NRXN1: variants seen among roughly 807,000 people sequenced by gnomAD.
The protein encoded by NRXN1 is neurexin 1, also known as neurexin-1.
In NRXN1, 39 loss-of-function variants were observed where a neutral mutation model predicts 150.9. That is an observed-to-expected ratio of 0.26 (90% CI 0.20 to 0.34). The LOEUF (loss-of-function observed/expected upper bound fraction) is 0.34, where lower values mean the gene tolerates loss of function less well. Ranked by LOEUF, NRXN1 falls within the 10% of genes least tolerant of loss-of-function variation. NRXN1 has a pLI of 1.00. For synonymous variants in NRXN1, 924 were observed against 757.0 expected (o/e 1.22, Z -3.62); for missense variants, 1,815 against 1,949.9 (o/e 0.93, Z 1.30).
At chr2:50,699,081 C>G (rs962393580) in intron 5 of NRXN1, among the ~76,000 whole-genome samples, 1 of 152,158 alleles carries the variant, frequency 6.6e-6, no homozygotes, top group African/African-American at 2.4e-5. Context: ...GTCAGACAGT[C>G]ATGGTGCAGC....
intron 5 of NRXN1, among the ~76,000 whole-genome samples, chr2:50,700,599 T>A (rs1693597001): frequency 6.6e-6 from 1 of 152,224 alleles, no homozygotes; most frequent in African/African-American, 2.4e-5. Context: ...TTGGAATCTT[T>A]CTATAGCATA....
At chr2:50,601,774 T>C (rs1171383089) in intron 8 of NRXN1, among the ~76,000 whole-genome samples, 1 of 152,182 alleles carries the variant, frequency 6.6e-6, no homozygotes, top group Non-Finnish European at 1.5e-5. Flanking sequence ...ATACACATCA[T>C]ACACTGGAGT....
chr2:50,828,448 C>T (rs1201827387), intron 5 of NRXN1, among the ~76,000 whole-genome samples: 1 of 150,434 alleles, frequency 6.6e-6, no homozygotes, highest in Non-Finnish European at 1.5e-5. Flanking sequence ...GGCTGCCGGG[C>T]GGAGGGGCTC....
intron 17 of NRXN1, among the ~76,000 whole-genome samples, chr2:50,311,761 CTGTT>C (rs2075202301): frequency 6.6e-6 from 1 of 152,152 alleles, no homozygotes; most frequent in African/African-American, 2.4e-5. Flanking sequence ...GGTAGGGAGA[CTGTT>C]TGCAGGGATA....
intron 21 of NRXN1, among the ~76,000 whole-genome samples, chr2:50,047,671 T>C (rs969305449): frequency 6.6e-6 from 1 of 151,622 alleles, no homozygotes; most frequent in Admixed American, 6.6e-5. Flanking sequence ...CATTTCATGG[T>C]TCCCTTCCAC....
At chr2:50,814,321 T>C (rs1668631481) in intron 5 of NRXN1, among the ~76,000 whole-genome samples, 1 of 152,078 alleles carries the variant, frequency 6.6e-6, no homozygotes, top group Non-Finnish European at 1.5e-5. Flanking sequence ...TTAATCAATA[T>C]AAATTATAAA....
chr2:50,789,520 G>T (rs957126062), intron 5 of NRXN1, among the ~76,000 whole-genome samples: 19 of 152,134 alleles, frequency 1.2e-4, no homozygotes, highest in African/African-American at 4.6e-4. Context: ...TCCCAAAGTT[G>T]AAATAAAACT....
chr2:50,074,071 T>C (rs530509914), intron 19 of NRXN1, among the ~76,000 whole-genome samples: 106 of 152,158 alleles, frequency 7.0e-4, no homozygotes, highest in Non-Finnish European at 1.1e-3. Flanking sequence ...TTTATTTGGC[T>C]AGTCTTTAAA....
At chr2:50,675,618 C>G (rs532682733) in intron 5 of NRXN1, among the ~76,000 whole-genome samples, 1 of 152,246 alleles carries the variant, frequency 6.6e-6, no homozygotes, top group Admixed American at 6.5e-5. Context: ...GCAATGTAAA[C>G]AAACAATATA....
intron 5 of NRXN1, among the ~76,000 whole-genome samples, chr2:50,760,740 T>C (rs1376461893): frequency 1.3e-5 from 2 of 151,744 alleles, no homozygotes; most frequent in African/African-American, 4.8e-5. Context: ...TTTTCAATTG[T>C]GTGTATGTGG....
At chr2:50,797,290 G>A (rs1706968005) in intron 5 of NRXN1, among the ~76,000 whole-genome samples, 1 of 152,068 alleles carries the variant, frequency 6.6e-6, no homozygotes, top group African/African-American at 2.4e-5. Flanking sequence ...TGCAGCAACG[G>A]CATTTGCAAC....
At position 50,707,415 on chromosome 2, in the gene NRXN1, T is replaced by TA. The variant is rs540766037; in HGVS notation, c.833-83801_833-83800insT. Among the ~76,000 whole-genome samples, 259 of 152,324 alleles carry TA rather than the reference T, an allele frequency of 1.7e-3. 1 individual carries two copies. The highest frequency in any genetic ancestry group is 2.3e-3 in the Non-Finnish European group (155 of 68,022). On this transcript the variant is annotated intron_variant, in intron 5 of 22. Transcript: ENST00000401669. ...GTGCTGGTTCTTGGCGGTAGAAATG[T>TA]GAGTTATGTTCAGCTGCAGTAGATT...
intron 15 of NRXN1, among the ~76,000 whole-genome samples, chr2:50,491,060 G>A (rs888512194): frequency 1.3e-5 from 2 of 152,072 alleles, no homozygotes; most frequent in Non-Finnish European, 2.9e-5. Flanking sequence ...CTGCTCTAAC[G>A]TTAAGCTCAA....
At chr2:50,855,977 A>G (rs1287440648) in intron 5 of NRXN1, among the ~76,000 whole-genome samples, 1 of 151,816 alleles carries the variant, frequency 6.6e-6, no homozygotes, top group East Asian at 1.9e-4. Context: ...TCTTTCTAAT[A>G]TAGAGAAAGA....
intron 18 of NRXN1, among the ~76,000 whole-genome samples, chr2:50,166,392 G>A (rs2059692142): frequency 6.6e-6 from 1 of 151,178 alleles, no homozygotes; most frequent in African/African-American, 2.4e-5. Flanking sequence ...CAACCAGCAA[G>A]AAACTGGGAC....
intron 8 of NRXN1, among the ~76,000 whole-genome samples, chr2:50,574,631 C>A (rs1671124436): frequency 6.6e-6 from 1 of 152,124 alleles, no homozygotes; most frequent in Non-Finnish European, 1.5e-5. Context: ...GTTAACTTCA[C>A]CCAAGATCAC....
At chr2:50,555,333 G>T (rs1445659889) in intron 8 of NRXN1, among the ~76,000 whole-genome samples, 2 of 152,078 alleles carry the variant, frequency 1.3e-5, no homozygotes, top group African/African-American at 2.4e-5. Flanking sequence ...TCTGACATCA[G>T]CCACCACAAA....
At chr2:50,491,357 T>C (rs576832138) in intron 15 of NRXN1, among the ~76,000 whole-genome samples, 1 of 152,300 alleles carries the variant, frequency 6.6e-6, no homozygotes, top group Admixed American at 6.5e-5. Flanking sequence ...AAGAATACTA[T>C]TTATCTTCAA....
chr2:50,186,578 A>C (rs1041667274), intron 18 of NRXN1, among the ~76,000 whole-genome samples: 2 of 152,032 alleles, frequency 1.3e-5, no homozygotes, highest in African/African-American at 4.8e-5. Flanking sequence ...TGTCTCAACG[A>C]ATTTAAAAAC....
Sources: gnomAD v4.1 joint callset for allele counts (sites outside exome capture counted in the v4.1 genomes callset) on GRCh38, gnomAD v4.1.1 for gene constraint, MANE v1.5 for transcripts, NCBI Gene and HGNC (gene_info 2026-07-23, HGNC 2026-07-21) for gene names.